Variants in PHACTR2 observed in about 807,000 individuals in gnomAD.
PHACTR2 encodes the protein chromosome 6 open reading frame 56.
PHACTR2 carries 30 observed loss-of-function variants against 76.0 expected under a neutral mutation model. The observed-to-expected ratio is 0.39, with a 90% CI of 0.30 to 0.54. The LOEUF (loss-of-function observed/expected upper bound fraction) is 0.54, where lower values mean the gene tolerates loss of function less well. PHACTR2 is among the 20% of genes least tolerant of loss of function. The probability of loss-of-function intolerance (pLI) is 0.61; values close to 1 mark genes in which losing one functional copy is unlikely to be tolerated. For synonymous variants in PHACTR2, 292 were observed against 292.5 expected (o/e 1.00, Z 0.02); for missense variants, 696 against 781.1 (o/e 0.89, Z 1.30).
At chr6:143,771,062 A>G (rs1205835388) in intron 6 of PHACTR2, among the ~76,000 whole-genome samples, 1 of 143,500 alleles carries the variant, frequency 7.0e-6, no homozygotes, top group African/African-American at 2.5e-5. Flanking sequence ...GAAAACACAC[A>G]TAGGATAAAT....
rs1781174383 is a variant in PHACTR2, at chr6:143,541,818, T to A, written c.217+4611T>A. Among the ~76,000 whole-genome samples the A allele has an allele frequency of 6.6e-6, 1 of 152,206 alleles. No individual in the cohort carries two copies. The highest frequency in any genetic ancestry group is 2.1e-4 in the South Asian group (1 of 4,822). On this transcript the variant is annotated intron_variant, in intron 1 of 11. Transcript: ENST00000367584. This position sits in a 1 kb window ranked among gnomAD's most constrained non-coding sequence, Gnocchi z 5.3. ...GGTCACCTGTGCTGTTGGGGGAAGCTTGTGCTTGCTTATCCCTTGCTGGTG... is the reference window on the plus strand; with the variant it reads ...GGTCACCTGTGCTGTTGGGGGAAGCATGTGCTTGCTTATCCCTTGCTGGTG...
At chr6:143,805,921 G>T (rs534405278) in intron 11 of PHACTR2, among the ~76,000 whole-genome samples, 4 of 152,134 alleles carry the variant, frequency 2.6e-5, no homozygotes, top group Non-Finnish European at 5.9e-5. Flanking sequence ...CTTTTTTTCT[G>T]TCTGTTCCCT....
chr6:143,606,386 A>G (rs1343268518), upstream of PHACTR2, among the ~76,000 whole-genome samples: 6 of 152,054 alleles, frequency 3.9e-5, no homozygotes, highest in Admixed American at 2.6e-4. Context: ...GTATTTATGG[A>G]AAAAAAAGTG....
Position 143,718,306 on chromosome 6 carries a change from C to T in PHACTR2, c.214+6123C>T, listed in dbSNP as rs184563073. Reference sequence around the variant, plus strand: ...ATCATCAGTACAACCTCATGAACTGCAATCTTTAAGGGCTACTATTATCCC... The same window carrying T: ...ATCATCAGTACAACCTCATGAACTGTAATCTTTAAGGGCTACTATTATCCC... On this transcript the variant is annotated intron_variant, in intron 2 of 12. Transcript: ENST00000440869. Among the ~76,000 whole-genome samples, 64 of 152,342 alleles carry T rather than the reference C, an allele frequency of 4.2e-4. 1 individual carries two copies. The highest frequency in any genetic ancestry group is 3.4e-3 in the Middle Eastern group (1 of 294).
At chr6:143,798,094 TC>T in intron 11 of PHACTR2, among the ~76,000 whole-genome samples, 1 of 152,300 alleles carries the variant, frequency 6.6e-6, no homozygotes, top group South Asian at 2.1e-4. Flanking sequence ...TTTGTAGTTC[TC>T]CTTGAAGAGG....
In PHACTR2 at chr6:143,738,138, G is replaced by T. The variant is rs757731387; in HGVS notation, c.215-10847G>T. 6.6e-6 allele frequency among the ~76,000 whole-genome samples: 1 copy of T among 152,104 alleles called. No individual in the cohort carries two copies. The highest frequency in any genetic ancestry group is 2.1e-4 in the South Asian group (1 of 4,822). On this transcript the variant is annotated intron_variant, in intron 2 of 12. Coordinates refer to ENST00000440869, the MANE Select transcript of PHACTR2 (RefSeq NM_001100164.2). This position sits in a 1 kb window ranked among gnomAD's most constrained non-coding sequence, Gnocchi z 4.0. ...AAAGATTATACATTTTTGGCCAGGC[G>T]CTGTGGCCCACGCCTGTAATCCTAG...
At position 143,765,434 on chromosome 6, in the gene PHACTR2, C is replaced by A; in HGVS notation, c.868C>A (p.Leu290Met). 6.2e-7 allele frequency: 1 copy of A among 1,614,236 alleles called. No individual in the cohort carries two copies. The highest frequency in any genetic ancestry group is 8.5e-7 in the Non-Finnish European group (1 of 1,180,040). ...KTDKQPITSH[L>M]SSDTTTSGTS... ...TGACAAGCAGCCAATAACTTCTCAC[C>A]TGTCCTCAGACACAACAACTTCTGG... is the stretch of plus-strand genomic sequence containing the variant. Residue 290 changes from leucine to methionine, a missense_variant, in exon 6 of 13, where the codon CTG (leucine) becomes ATG (methionine). By Grantham distance (15) the Leu-to-Met change is conservative (BLOSUM62 2). Coordinates refer to ENST00000440869, the MANE Select transcript of PHACTR2 (RefSeq NM_001100164.2). The surrounding 1 kb of genome is among the most constrained non-coding windows in gnomAD (Gnocchi z 4.1).
intron 1 of PHACTR2, among the ~76,000 whole-genome samples, chr6:143,560,885 GTGTGTGTGT>G (rs1562684393): frequency 6.3e-5 from 2 of 31,588 alleles, no homozygotes; most frequent in African/African-American, 2.2e-4. Flanking sequence ...GCAGAGGGGT[GTGTGTGTGT>G]GTGTGTGTGT....
rs374415510 is a variant in PHACTR2 at position 143,774,013 on chromosome 6, G to T, written c.1433-46G>T. On this transcript the variant is annotated intron_variant, in intron 7 of 12. Transcript: ENST00000440869. The surrounding 1 kb of genome is among the most constrained non-coding windows in gnomAD (Gnocchi z 5.4). ...GCCATGTGTAACCTGAGTGCCACTG[G>T]CTAAAAGCCTCTCTCTCTGCATTTC... 3 of 1,582,458 alleles carry T rather than the reference G, an allele frequency of 1.9e-6. No individual in the cohort carries two copies. In the Admixed American group the frequency reaches 5.2e-5, roughly 27 times the overall value.
rs1562249815 is a variant in PHACTR2 at position 143,619,161 on chromosome 6, T to TGTCCATCCATCC, written c.13+10840_13+10851dup. ...ATTAAAATCTTCCTGCCTGTCTGTC[T>TGTCCATCCATCC]GTCCATCCATCCATCCATCTACCTG... On this transcript the variant is annotated intron_variant, in intron 1 of 11. Coordinates refer to the PHACTR2 transcript ENST00000305766. The surrounding 1 kb of genome is among the most constrained non-coding windows in gnomAD (Gnocchi z 4.5). Among the ~76,000 whole-genome samples, 1 of 101,374 alleles carries TGTCCATCCATCC rather than the reference T, an allele frequency of 9.9e-6. No homozygotes were observed. The highest frequency in any genetic ancestry group is 2.9e-5 in the African/African-American group (1 of 34,262). The allele number at this position is 101,374 out of a possible 152,430, so 66.5% of individuals were successfully genotyped here. A position where few individuals can be genotyped will look rare whatever the true frequency, so the allele number is the denominator to read the frequency against.
rs1775470419 is a variant in PHACTR2, at chr6:143,783,064, C to T, written c.1646-155C>T. On this transcript the variant is annotated intron_variant, in intron 9 of 12. Transcript: ENST00000440869. The surrounding 1 kb of genome is among the most constrained non-coding windows in gnomAD (Gnocchi z 5.2). ...GTGTGTGTGTGTGTAAGATGATCAA[C>T]CTTCCTACAAAATATTTTGACAACT... 6.8e-6 allele frequency among the ~76,000 whole-genome samples: 1 copy of T among 148,054 alleles called. No homozygotes were observed. The highest frequency in any genetic ancestry group is 6.8e-5 in the Admixed American group (1 of 14,812).
At chr6:143,745,387 G>T (rs1186442546) in intron 2 of PHACTR2, among the ~76,000 whole-genome samples, 3 of 152,218 alleles carry the variant, frequency 2.0e-5, no homozygotes, top group African/African-American at 7.2e-5. Flanking sequence ...TCCTCAAAAT[G>T]AGGGTGATCG....
In PHACTR2 at chr6:143,791,060, C is replaced by A. The variant is rs911929950; in HGVS notation, c.1845+2150C>A. On this transcript the variant is annotated intron_variant, in intron 11 of 12. Transcript: ENST00000440869. This position sits in a 1 kb window ranked among gnomAD's most constrained non-coding sequence, Gnocchi z 4.7. Reference sequence around the variant, plus strand: ...GATTTTGTTTCTGGTTTTAAAAATTCTTTGCATACCAAAATGATAGATATA... The same window carrying A: ...GATTTTGTTTCTGGTTTTAAAAATTATTTGCATACCAAAATGATAGATATA... Among the ~76,000 whole-genome samples, 18 of 152,104 alleles carry A rather than the reference C, an allele frequency of 1.2e-4. No individual in the cohort carries two copies. Among genetic ancestry groups the A allele is most frequent in the African/African-American group, 4.3e-4 (18 of 41,410 alleles).
chr6:143,794,692 A>T lies in PHACTR2; in HGVS notation c.1845+5782A>T, dbSNP rs1041490338. Among the ~76,000 whole-genome samples the T allele has an allele frequency of 7.9e-5, 12 of 152,038 alleles. No individual in the cohort carries two copies. The highest frequency in any genetic ancestry group is 2.7e-4 in the African/African-American group (11 of 41,382). On this transcript the variant is annotated intron_variant, in intron 11 of 12. Coordinates refer to ENST00000440869, the MANE Select transcript of PHACTR2 (RefSeq NM_001100164.2). This position sits in a 1 kb window ranked among gnomAD's most constrained non-coding sequence, Gnocchi z 4.1. ...GCCTGTAGTCCCAGCTGCTTGGGAG[A>T]CTGAAGCAGGAGAATCACTTGAACC...
At chr6:143,763,263 G>A (rs777541583) in intron 5 of PHACTR2, among the ~76,000 whole-genome samples, 1 of 152,090 alleles carries the variant, frequency 6.6e-6, no homozygotes, top group Admixed American at 6.5e-5. Flanking sequence ...GGAGACTGAG[G>A]CAGGAGAATC....
chr6:143,727,290 CTT>C (rs113254871), intron 2 of PHACTR2, among the ~76,000 whole-genome samples: 15,793 of 148,766 alleles, frequency 0.11, 1,197 homozygotes, highest in African/African-American at 0.21. Context: ...GGATTTTATT[CTT>C]TTTTTTTTAT....
Position 143,678,088 on chromosome 6 carries a change from C to T in PHACTR2, c.-76C>T, listed in dbSNP as rs1171882735. 4 of 1,544,120 alleles carry T rather than the reference C, an allele frequency of 2.6e-6. No homozygotes were observed. In the African/African-American group the frequency reaches 4.1e-5, roughly 16 times the overall value. ...GGCCGGGACATGAACGCCTGGAAGTCTGGCTGGGAGCGGACCCATGATCGA... is the reference window on the plus strand; with the variant it reads ...GGCCGGGACATGAACGCCTGGAAGTTTGGCTGGGAGCGGACCCATGATCGA... On this transcript the variant is annotated 5_prime_UTR_variant, in exon 1 of 13. Transcript: ENST00000440869. This position sits in a 1 kb window ranked among gnomAD's most constrained non-coding sequence, Gnocchi z 6.2.
Position 143,777,439 on chromosome 6 carries a change from T to C in PHACTR2, c.1645+56T>C. ...TGTGTAATCGCTAACAAGCTGCCTC[T>C]ACAGATGATCGATTTATCAGTAAGA... On this transcript the variant is annotated intron_variant, in intron 9 of 12. Transcript: ENST00000440869. The surrounding 1 kb of genome is among the most constrained non-coding windows in gnomAD (Gnocchi z 4.6). 1 of 877,866 alleles carries C rather than the reference T, an allele frequency of 1.1e-6. No homozygotes were observed. The highest frequency in any genetic ancestry group is 1.8e-6 in the Non-Finnish European group (1 of 561,782). The allele number at this position is 877,866 out of a possible 1,614,324, so 54.4% of individuals were successfully genotyped here. A position where few individuals can be genotyped will look rare whatever the true frequency, so the allele number is the denominator to read the frequency against.
chr6:143,701,745 T>G (rs1777917027), intron 1 of PHACTR2, among the ~76,000 whole-genome samples: 1 of 152,200 alleles, frequency 6.6e-6, no homozygotes, highest in African/African-American at 2.4e-5. Flanking sequence ...AGCAACTACT[T>G]CGCAGGGTTG....
Sources: gnomAD v4.1 joint callset for allele counts (sites outside exome capture counted in the v4.1 genomes callset) on GRCh38, gnomAD v4.1.1 for gene constraint, Gnocchi (gnomAD v3.1) non-coding constraint, MANE v1.5 for transcripts, NCBI Gene and HGNC (gene_info 2026-07-23, HGNC 2026-07-21) for gene names.